Variants in BCAS3 observed in about 807,000 individuals in gnomAD.
BCAS3 encodes BCAS4/BCAS3 fusion.
BCAS3 carries 53 observed loss-of-function variants against 116.1 expected under a neutral mutation model. The ratio of observed to expected loss-of-function variants is 0.46; its 90% confidence interval spans 0.37 to 0.57. The LOEUF (loss-of-function observed/expected upper bound fraction) is 0.57. Ranked by LOEUF, BCAS3 falls within the 20% of genes least tolerant of loss-of-function variation. BCAS3 has a pLI of 0.00. For missense variants in BCAS3, 917 were observed against 1,165.4 expected (o/e 0.79, Z 3.10); for synonymous variants, 391 against 408.2 (o/e 0.96, Z 0.51).
chr17:60,930,402 C>T (rs1158133193), intron 13 of BCAS3, among the ~76,000 whole-genome samples: 3 of 152,204 alleles, frequency 2.0e-5, no homozygotes, highest in Admixed American at 6.5e-5. Flanking sequence ...AACCAGTTTA[C>T]CTGTGTTTGT....
chr17:61,268,796 G>A (rs906888740), intron 22 of BCAS3, among the ~76,000 whole-genome samples: 38 of 152,208 alleles, frequency 2.5e-4, no homozygotes, highest in African/African-American at 9.1e-4. Context: ...GACCTCAGAT[G>A]ATCTGCCCAC....
intron 22 of BCAS3, among the ~76,000 whole-genome samples, chr17:61,330,977 G>A (rs186409000): frequency 3.9e-5 from 6 of 152,310 alleles, no homozygotes. Context: ...GGCCTCTCTG[G>A]GCGGTGAGTG....
chr17:60,950,260 G>A (rs1337077430), intron 14 of BCAS3, among the ~76,000 whole-genome samples: 1 of 152,096 alleles, frequency 6.6e-6, no homozygotes, highest in Non-Finnish European at 1.5e-5. Context: ...GGAGGGGAGG[G>A]TTGGTTAGAT....
At chr17:61,225,932 A>G (rs1337120812) in intron 22 of BCAS3, among the ~76,000 whole-genome samples, 1 of 152,216 alleles carries the variant, frequency 6.6e-6, no homozygotes, top group African/African-American at 2.4e-5. Context: ...TTTTCTTTAC[A>G]TATGCTATGG....
rs567683389 is a variant in BCAS3, at chr17:61,131,196, C to T, written c.2425+46632C>T. Among the ~76,000 whole-genome samples the T allele has an allele frequency of 1.4e-4, 22 of 152,088 alleles. No homozygotes were observed. Among genetic ancestry groups the T allele is most frequent in the African/African-American group, 5.1e-4 (21 of 41,422 alleles). On this transcript the variant is annotated intron_variant, in intron 22 of 23. Transcript: ENST00000407086. The surrounding 1 kb of genome is among the most constrained non-coding windows in gnomAD (Gnocchi z 4.4). ...GAGAGTTTCAAAATGAAAAAAAATA[C>T]TATGTGTTTGTAATTTTATGATTAT... is the stretch of plus-strand genomic sequence containing the variant.
intron 19 of BCAS3, among the ~76,000 whole-genome samples, chr17:61,049,989 T>C (rs981452312): frequency 6.6e-6 from 1 of 151,988 alleles, no homozygotes; most frequent in African/African-American, 2.4e-5. Flanking sequence ...TACCTCGGCC[T>C]CCCAAAGTGT....
chr17:60,778,891 A>T (rs1265982203), intron 6 of BCAS3, among the ~76,000 whole-genome samples: 1 of 152,198 alleles, frequency 6.6e-6, no homozygotes, highest in Non-Finnish European at 1.5e-5. Context: ...GGATGATAAA[A>T]GTATAGTTTG....
intron 6 of BCAS3, chr17:60,748,946 C>CT (rs1311657265): frequency 6.6e-6 from 1 of 152,034 alleles, no homozygotes; most frequent in Non-Finnish European, 1.5e-5. Flanking sequence ...TTAAAAAAGA[C>CT]TAGTCGAGTG....
At chr17:60,807,937 T>C (rs2048434021) in intron 6 of BCAS3, 67 bp from the exon 7 acceptor site, 2 of 1,140,768 alleles carry the variant, frequency 1.8e-6, no homozygotes, top group Admixed American at 4.2e-5. Flanking sequence ...TTTGAAAGCA[T>C]GAAAATAGTG....
chr17:60,883,575 G>A (rs1481788299), intron 9 of BCAS3, among the ~76,000 whole-genome samples: 1 of 15,166 alleles, frequency 6.6e-5, no homozygotes, highest in East Asian at 1.3e-3. Flanking sequence ...TATTGGCTGT[G>A]GGTTTGTCAT....
At chr17:61,011,301 G>T (rs981182906) in intron 15 of BCAS3, among the ~76,000 whole-genome samples, 3 of 151,988 alleles carry the variant, frequency 2.0e-5, no homozygotes, top group Non-Finnish European at 4.4e-5. Context: ...TAGGTCCAAG[G>T]CAGACACTGC....
chr17:61,138,737 T>C (rs1334858095), intron 22 of BCAS3, among the ~76,000 whole-genome samples: 1 of 152,226 alleles, frequency 6.6e-6, no homozygotes, highest in Non-Finnish European at 1.5e-5. Context: ...GAACATTTGT[T>C]TTTTGGCTCT....
chr17:60,976,336 T>C (rs537020473), intron 14 of BCAS3, among the ~76,000 whole-genome samples: 9 of 151,128 alleles, frequency 6.0e-5, no homozygotes, highest in Non-Finnish European at 1.0e-4. Context: ...TAGGTTTTTG[T>C]ATGAACGTAT....
intron 14 of BCAS3, among the ~76,000 whole-genome samples, chr17:60,988,215 G>T (rs557991332): frequency 2.0e-4 from 30 of 150,574 alleles, no homozygotes; most frequent in African/African-American, 7.3e-4. Flanking sequence ...GTTGAATTTG[G>T]TTTACTAGTA....
At chr17:61,311,696 C>A (rs1206998512) in intron 22 of BCAS3, among the ~76,000 whole-genome samples, 1 of 152,094 alleles carries the variant, frequency 6.6e-6, no homozygotes, top group Non-Finnish European at 1.5e-5. Flanking sequence ...AGATCGAGAC[C>A]ATCCTGGCCA....
chr17:61,212,601 A>G (rs777803712), intron 22 of BCAS3, among the ~76,000 whole-genome samples: 2 of 151,672 alleles, frequency 1.3e-5, no homozygotes, highest in Non-Finnish European at 2.9e-5. Flanking sequence ...AATAACATAT[A>G]CATGTATAAA....
At chr17:61,306,147 A>G (rs1043112240) in intron 22 of BCAS3, among the ~76,000 whole-genome samples, 2 of 152,188 alleles carry the variant, frequency 1.3e-5, no homozygotes, top group African/African-American at 2.4e-5. Context: ...CGCAAATTCT[A>G]TATGTGGAAA....
chr17:60,750,277 C>A (rs1055838904), intron 6 of BCAS3, among the ~76,000 whole-genome samples: 1 of 151,680 alleles, frequency 6.6e-6, no homozygotes, highest in Non-Finnish European at 1.5e-5. Context: ...ATCTCAGTAG[C>A]CATTTATGAT....
At chr17:61,210,204 G>T (rs1444006547) in intron 22 of BCAS3, among the ~76,000 whole-genome samples, 1 of 152,208 alleles carries the variant, frequency 6.6e-6, no homozygotes, top group Non-Finnish European at 1.5e-5. Flanking sequence ...AGAATTATTG[G>T]CACCTATTGA....
Sources: allele counts gnomAD v4.1 joint callset (sites outside exome capture counted in the v4.1 genomes callset), GRCh38; gene constraint gnomAD v4.1.1; non-coding constraint Gnocchi (gnomAD v3.1); transcripts MANE v1.5; gene names NCBI Gene and HGNC (gene_info 2026-07-23, HGNC 2026-07-21).